The following CTSO variants were observed in gnomAD, a reference collection of about 807,000 sequenced individuals.
CTSO encodes the protein cathepsin O.
In CTSO, 40 loss-of-function variants were observed where a neutral mutation model predicts 42.4. That is an observed-to-expected ratio of 0.94 (90% confidence interval 0.73 to 1.23). The LOEUF is 1.23. CTSO is among the 50% of genes most tolerant of loss of function. The pLI is 0.00. For missense variants in CTSO, 441 were observed against 396.0 expected (o/e 1.11, Z -0.96); for synonymous variants, 156 against 146.2 (o/e 1.07, Z -0.48).
chr4:155,944,950 T>C (rs1465418115), intron 1 of CTSO, among the ~76,000 whole-genome samples: 2 of 117,516 alleles, frequency 1.7e-5, no homozygotes, highest in African/African-American at 2.8e-5. Flanking sequence ...GCTCCTGTGA[T>C]TGATTAAAAA....
At chr4:155,929,174 A>C (rs557034026) in intron 6 of CTSO, among the ~76,000 whole-genome samples, 1 of 152,326 alleles carries the variant, frequency 6.6e-6, no homozygotes, top group South Asian at 2.1e-4. Context: ...TATTTCCCAT[A>C]AGGAATACTT....
In CTSO at chr4:155,948,979, C is replaced by T. The variant is rs183224411; in HGVS notation, c.135+4734G>A. Among the ~76,000 whole-genome samples the T allele has an allele frequency of 1.9e-3, 282 of 152,284 alleles. 1 individual carries two copies. The highest frequency in any genetic ancestry group is 6.6e-3 in the African/African-American group (273 of 41,542). ...AGTAAATGAAATCATGTATTTTCTT[C>T]TTGCATGTACTCAACTGTTTCTAAA... On this transcript the variant is annotated intron_variant, in intron 1 of 7. Transcript: ENST00000433477.
intron 3 of CTSO, among the ~76,000 whole-genome samples, chr4:155,940,311 A>G (rs1253733733): frequency 3.3e-5 from 5 of 151,628 alleles, no homozygotes; most frequent in Non-Finnish European, 7.4e-5. Flanking sequence ...AGGAAGAAGG[A>G]TCCACAGAAA....
rs369199822 is a variant in CTSO, at chr4:155,942,313, G to C, written c.384+4C>G. On this transcript the variant is annotated splice_donor_region_variant and intron_variant, in intron 3 of 7. Transcript: ENST00000433477. ...ATTAGAAAAGAAGAGGGATTTCAAC[G>C]TACCATCTGCTGGTTTCTCACTTGT... The C allele has an allele frequency of 2.1e-5, 32 of 1,555,432 alleles. No individual in the cohort carries two copies. The highest frequency in any genetic ancestry group is 2.6e-6 in the Non-Finnish European group (3 of 1,153,940).
At chr4:155,949,082 C>A (rs1743601007) in intron 1 of CTSO, among the ~76,000 whole-genome samples, 1 of 152,182 alleles carries the variant, frequency 6.6e-6, no homozygotes, top group African/African-American at 2.4e-5. Context: ...ACTGAATGCA[C>A]TAAATACAAA....
At position 155,925,911 on chromosome 4, in the gene CTSO, T is replaced by A; in HGVS notation, c.*125A>T. 1.2e-6 allele frequency: 1 copy of A among 810,428 alleles called. No individual in the cohort carries two copies. The highest frequency in any genetic ancestry group is 2.0e-6 in the Non-Finnish European group (1 of 498,318). 50.2% of individuals were successfully genotyped at this position (810,428 alleles called of 1,614,324 possible). The stretch of plus-strand genomic sequence containing the variant: ...TTCTGAAACTTAGTTTAAATACTAC[T>A]AGGCCTTAGAATCTTTTGTAGGTAG... On this transcript the variant is annotated 3_prime_UTR_variant, in exon 8 of 8. Transcript: ENST00000433477.
At chr4:155,932,470 A>C (rs1248093877) in intron 5 of CTSO, among the ~76,000 whole-genome samples, 1 of 152,102 alleles carries the variant, frequency 6.6e-6, no homozygotes, top group Non-Finnish European at 1.5e-5. Context: ...GCTTTGGAAG[A>C]CCTTCACACA....
chr4:155,937,612 T>G, intron 4 of CTSO, 129 bp from the exon 5 acceptor site: 3 of 879,306 alleles, frequency 3.4e-6, no homozygotes, highest in Non-Finnish European at 5.3e-6. Flanking sequence ...TTGCGTTCTT[T>G]TTTTTTTCTT....
In CTSO at chr4:155,939,366, G is replaced by A. The variant is rs1743386473; in HGVS notation, c.552+5C>T. On this transcript the variant is annotated splice_donor_5th_base_variant and intron_variant, in intron 4 of 7. Transcript: ENST00000433477. ...AAGAGTTTAAGAGGTTGAGAGACTA[G>A]TCACCTTGTTTAACCAGTTCAAAGC... The A allele has an allele frequency of 6.3e-7, 1 of 1,595,738 alleles. No individual in the cohort carries two copies. The highest frequency in any genetic ancestry group is 1.1e-5 in the South Asian group (1 of 89,048).
At chr4:155,945,942 C>G (rs1279553000) in intron 1 of CTSO, among the ~76,000 whole-genome samples, 2 of 152,098 alleles carry the variant, frequency 1.3e-5, no homozygotes, top group Non-Finnish European at 2.9e-5. Context: ...CGCACACACA[C>G]ACATACGCAC....
rs1029631786 is a variant in CTSO, at chr4:155,925,468, C to G, written c.*568G>C. Reference sequence around the variant, plus strand: ...TCCTTCCTTCTACGTGGTCACTCTGCTGTTCAAAGGGTAAGCACCATTTGT... The same window carrying G: ...TCCTTCCTTCTACGTGGTCACTCTGGTGTTCAAAGGGTAAGCACCATTTGT... On this transcript the variant is annotated 3_prime_UTR_variant, in exon 8 of 8. Coordinates refer to ENST00000433477, the MANE Select transcript of CTSO (RefSeq NM_001334.3). 6.6e-6 allele frequency: 1 copy of G among 152,218 alleles called. No homozygotes were observed. The highest frequency in any genetic ancestry group is 2.4e-5 in the African/African-American group (1 of 41,442). 9.4% of individuals were successfully genotyped at this position (152,218 alleles called of 1,614,324 possible). A position where few individuals can be genotyped will look rare whatever the true frequency, so the allele number is the denominator to read the frequency against.
chr4:155,934,039 A>T (rs1579341270), intron 5 of CTSO, among the ~76,000 whole-genome samples: 1 of 152,212 alleles, frequency 6.6e-6, no homozygotes, highest in East Asian at 1.9e-4. Context: ...TCTTCAGGTT[A>T]TGTCAGACAC....
chr4:155,930,049 C>T (rs1743208240), intron 5 of CTSO, among the ~76,000 whole-genome samples: 1 of 152,136 alleles, frequency 6.6e-6, no homozygotes, highest in Admixed American at 6.5e-5. Context: ...AGAAGACTTC[C>T]CAGAAATAAC....
chr4:155,927,105 A>G (rs1224088921), intron 7 of CTSO, among the ~76,000 whole-genome samples: 2 of 152,192 alleles, frequency 1.3e-5, no homozygotes, highest in South Asian at 2.1e-4. Flanking sequence ...ACTTTTTTCA[A>G]TGAATAACTT....
rs112807599 is a variant in CTSO at position 155,953,773 on chromosome 4, G to A, written c.75C>T (p.Ser25=). Residue 25 remains serine (S), a synonymous_variant, in exon 1 of 8, where the codon TCC becomes TCT. Coordinates refer to ENST00000433477, the MANE Select transcript of CTSO (RefSeq NM_001334.3). ...GCCAGGTCGGGGTGAAGGGGGCGCG[G>A]GAGTCCGCATCGCCGCCGCCCCGGC... The part of the protein sequence containing the change: ...LLCRGGGDAD[S]RAPFTPTWPR... 629 of 1,339,056 alleles carry A rather than the reference G, an allele frequency of 4.7e-4. 2 individuals are homozygous for A. The African/African-American group carries it at 8.7e-3, about 18-fold the overall frequency. The allele number at this position is 1,339,056 out of a possible 1,614,324, so 82.9% of individuals were successfully genotyped here. A position where few individuals can be genotyped will look rare whatever the true frequency, so the allele number is the denominator to read the frequency against.
chr4:155,935,960 A>T (rs1743322607), intron 5 of CTSO, among the ~76,000 whole-genome samples: 1 of 152,126 alleles, frequency 6.6e-6, no homozygotes, highest in South Asian at 2.1e-4. Context: ...AATTCAGACT[A>T]ATGCCTATTA....
At chr4:155,932,718 C>A (rs753035135) in intron 5 of CTSO, among the ~76,000 whole-genome samples, 6 of 152,120 alleles carry the variant, frequency 3.9e-5, no homozygotes, top group African/African-American at 1.4e-4. Context: ...CAGGACTAAG[C>A]ATGAGGTTAG....
chr4:155,928,185 T>C (rs1014048608), intron 7 of CTSO, 151 bp downstream of exon 7: 7 of 483,944 alleles, frequency 1.4e-5, no homozygotes, highest in African/African-American at 1.3e-4. Context: ...TGTTTAACAG[T>C]TCCTCTTGCA....
rs557463789 is a variant in CTSO at position 155,932,423 on chromosome 4, T to A, written c.675-2718A>T. 3.3e-5 allele frequency among the ~76,000 whole-genome samples: 5 copies of A among 152,254 alleles called. No individual in the cohort carries two copies. The South Asian group carries it at 1.0e-3, about 32-fold the overall frequency. On this transcript the variant is annotated intron_variant, in intron 5 of 7. Coordinates refer to ENST00000433477, the MANE Select transcript of CTSO (RefSeq NM_001334.3). Reference sequence around the variant, plus strand: ...ATACATGGAAATAATATTATTGAAGTACAAAGGACCAGGTCTTGTGCCCAG... The same window carrying A: ...ATACATGGAAATAATATTATTGAAGAACAAAGGACCAGGTCTTGTGCCCAG...
Sources: allele counts gnomAD v4.1 joint callset (sites outside exome capture counted in the v4.1 genomes callset), GRCh38; gene constraint gnomAD v4.1.1; transcripts MANE v1.5; gene names NCBI Gene and HGNC (gene_info 2026-07-23, HGNC 2026-07-21).